CASD1: variants seen among roughly 807,000 people sequenced by gnomAD.
CASD1 encodes the protein N-acetylneuraminate (7)9-O-acetyltransferase.
A neutral mutation model predicts 100.0 loss-of-function variants in CASD1; 41 were observed. That is an observed-to-expected ratio of 0.41 (90% CI 0.32 to 0.53). The LOEUF (loss-of-function observed/expected upper bound fraction) is 0.53. Among genes scored for constraint, CASD1 ranks in the 20% least tolerant of loss-of-function variants. The probability of loss-of-function intolerance (pLI) is 0.25; values close to 1 mark genes in which losing one functional copy is unlikely to be tolerated. For synonymous variants in CASD1, 321 were observed against 315.6 expected (o/e 1.02, Z -0.18); for missense variants, 774 against 948.7 (o/e 0.82, Z 2.42).
At chr7:94,531,686 G>A (rs1368643203) in intron 5 of CASD1, among the ~76,000 whole-genome samples, 1 of 151,852 alleles carries the variant, frequency 6.6e-6, no homozygotes, top group Non-Finnish European at 1.5e-5. Context: ...TATATTTGTA[G>A]TATTTTACAG....
chr7:94,561,008 A>T (rs1450129570), downstream of CASD1, among the ~76,000 whole-genome samples: 1 of 152,112 alleles, frequency 6.6e-6, no homozygotes, highest in East Asian at 1.9e-4. Context: ...ACATTTTAGA[A>T]CATTAATATT....
the CASD1 span, among the ~76,000 whole-genome samples, chr7:94,592,203 C>T: frequency 6.6e-6 from 1 of 152,148 alleles, no homozygotes; most frequent in African/African-American, 2.4e-5. Flanking sequence ...ATATTTAAAA[C>T]TGTGTATTTC....
downstream of CASD1, among the ~76,000 whole-genome samples, chr7:94,559,817 G>T (rs1796312469): frequency 6.6e-6 from 1 of 152,046 alleles, no homozygotes; most frequent in Admixed American, 6.6e-5. Context: ...GAGCCACCGT[G>T]CCCAGCCAAA....
the CASD1 span, chr7:94,628,005 G>T: frequency 3.9e-6 from 2 of 516,506 alleles, no homozygotes; most frequent in Non-Finnish European, 6.9e-6. Flanking sequence ...TAATATAAAA[G>T]CTGAAACAAA....
At chr7:94,582,047 G>T in the CASD1 span, among the ~76,000 whole-genome samples, 4 of 151,950 alleles carry the variant, frequency 2.6e-5, no homozygotes, top group Admixed American at 1.3e-4. Context: ...GTTATTTTTT[G>T]ACTTTTTTTT....
In CASD1 at chr7:94,535,388, A is replaced by T. The variant is rs1362935156; in HGVS notation, c.708A>T (p.Ala236=). 6.2e-7 allele frequency: 1 copy of T among 1,613,514 alleles called. No homozygotes were observed. Among genetic ancestry groups the T allele is most frequent in the Non-Finnish European group, 8.5e-7 (1 of 1,179,602 alleles). The change falls in exon 8 of 18, where the codon GCA becomes GCT. Residue 236 remains alanine (A), a synonymous_variant. Coordinates refer to ENST00000297273, the MANE Select transcript of CASD1 (RefSeq NM_022900.5). ...AGATAGATGCTTACAATGAAGCTGCAGTCAGTATTTTGAATAGTAGCACCA... is the reference window on the plus strand; with the variant it reads ...AGATAGATGCTTACAATGAAGCTGCTGTCAGTATTTTGAATAGTAGCACCA... ...NEKIDAYNEA[A]VSILNSSTRN... is the part of the protein sequence containing the mutation.
At chr7:94,576,054 T>C in the CASD1 span, among the ~76,000 whole-genome samples, 1 of 152,224 alleles carries the variant, frequency 6.6e-6, no homozygotes, top group Non-Finnish European at 1.5e-5. Context: ...TGTTTCTTGA[T>C]GTATTCTTCC....
the CASD1 span, among the ~76,000 whole-genome samples, chr7:94,615,325 C>T: frequency 6.6e-6 from 1 of 151,908 alleles, no homozygotes; most frequent in Non-Finnish European, 1.5e-5. Flanking sequence ...CACCACTGCA[C>T]TCTAGCCTGG....
intron 1 of CASD1, among the ~76,000 whole-genome samples, chr7:94,516,514 A>G (rs1793984546): frequency 6.6e-6 from 1 of 152,188 alleles, no homozygotes; most frequent in African/African-American, 2.4e-5. Flanking sequence ...CCCGACTTTA[A>G]CTAAATGTCA....
At chr7:94,593,596 CT>C in the CASD1 span, among the ~76,000 whole-genome samples, 1 of 151,906 alleles carries the variant, frequency 6.6e-6, no homozygotes, top group Non-Finnish European at 1.5e-5. Context: ...TTTTCAATGG[CT>C]TTTAGCTGTT....
intron 1 of CASD1, 75 bp downstream of exon 1, chr7:94,510,292 C>T: frequency 8.8e-7 from 1 of 1,142,144 alleles, no homozygotes; most frequent in Non-Finnish European, 1.1e-6. Flanking sequence ...CCGCCCCCAT[C>T]GCCCAACACA....
chr7:94,538,539 T>C (rs1795227085), intron 9 of CASD1, among the ~76,000 whole-genome samples: 1 of 152,100 alleles, frequency 6.6e-6, no homozygotes, highest in Admixed American at 6.5e-5. Context: ...AAGTAAACTG[T>C]AATAATAGAG....
chr7:94,533,199 C>G lies in CASD1; in HGVS notation c.460-6C>G. On this transcript the variant is annotated splice_polypyrimidine_tract_variant and splice_region_variant and intron_variant, in intron 5 of 17. Transcript: ENST00000297273. ...AATACTATGATAAAGATTTGTCTTC[C>G]TTTAGGATTCCATTGCAAAGCCACA... 2 of 1,603,898 alleles carry G rather than the reference C, an allele frequency of 1.2e-6. No homozygotes were observed. The highest frequency in any genetic ancestry group is 1.7e-6 in the Non-Finnish European group (2 of 1,172,624).
the CASD1 span, chr7:94,588,899 C>T: frequency 4.4e-6 from 3 of 687,862 alleles, no homozygotes; most frequent in Admixed American, 2.5e-5. Flanking sequence ...AAACTGAGGT[C>T]TGAGGAGAAT....
At chr7:94,590,768 C>T in the CASD1 span, 1 of 152,188 alleles carries the variant, frequency 6.6e-6, no homozygotes, top group South Asian at 2.1e-4. Context: ...CTTTGTCCCT[C>T]ATGCTGGCCC....
chr7:94,613,818 T>G, the CASD1 span, among the ~76,000 whole-genome samples: 5 of 152,146 alleles, frequency 3.3e-5, no homozygotes, highest in African/African-American at 1.2e-4. Context: ...ATGTTACATG[T>G]TGCCTGGGAA....
the CASD1 span, among the ~76,000 whole-genome samples, chr7:94,580,496 T>C: frequency 1.3e-5 from 2 of 152,234 alleles, no homozygotes; most frequent in Admixed American, 6.5e-5. Context: ...TAAATTTTTA[T>C]TGAAGATTTT....
chr7:94,607,042 C>A, the CASD1 span, among the ~76,000 whole-genome samples: 1 of 151,430 alleles, frequency 6.6e-6, no homozygotes, highest in Non-Finnish European at 1.5e-5. Flanking sequence ...ATTGAAACCT[C>A]CCCCTCAGGA....
chr7:94,575,704 G>T, the CASD1 span, among the ~76,000 whole-genome samples: 1 of 152,152 alleles, frequency 6.6e-6, no homozygotes, highest in Admixed American at 6.5e-5. Flanking sequence ...GTTTATCTGG[G>T]AATGTCTTAA....
Sources: allele counts gnomAD v4.1 joint callset (sites outside exome capture counted in the v4.1 genomes callset), GRCh38; gene constraint gnomAD v4.1.1; transcripts MANE v1.5; gene names NCBI Gene and HGNC (gene_info 2026-07-23, HGNC 2026-07-21).